The following PI4K2B variants were observed in gnomAD, a reference collection of about 807,000 sequenced individuals.
PI4K2B encodes phosphatidylinositol 4-kinase type 2-beta.
A neutral mutation model predicts 56.6 loss-of-function variants in PI4K2B; 46 were observed. That is an observed-to-expected ratio of 0.81 (90% CI 0.64 to 1.04). The LOEUF (loss-of-function observed/expected upper bound fraction) is 1.04, where lower values mean the gene tolerates loss of function less well. Among genes scored for constraint, PI4K2B ranks in the 50% least tolerant of loss-of-function variants. The pLI is 0.00. For missense variants in PI4K2B, 556 were observed against 607.7 expected, an observed-to-expected ratio of 0.91 and a Z score of 0.89; for synonymous variants, 211 against 223.8, an observed-to-expected ratio of 0.94 and a Z score of 0.51.
At chr4:25,235,193 A>G (rs1300215687) in intron 1 of PI4K2B, among the ~76,000 whole-genome samples, 1 of 152,216 alleles carries the variant, frequency 6.6e-6, no homozygotes. Flanking sequence ...GGAAATAGCA[A>G]GAGACTTGTA....
Position 25,234,421 on chromosome 4 carries a change from C to T in PI4K2B, c.258C>T (p.Pro86=), listed in dbSNP as rs745756803. 3.0e-6 allele frequency: 4 copies of T among 1,351,312 alleles called. No individual in the cohort carries two copies. The East Asian group carries it at 1.2e-4, about 42-fold the overall frequency. The allele number at this position is 1,351,312 out of a possible 1,614,324, so 83.7% of individuals were successfully genotyped here. Residue 86 remains proline (P), a synonymous_variant, in exon 1 of 10, where the codon CCC becomes CCT. Coordinates refer to ENST00000264864, the MANE Select transcript of PI4K2B (RefSeq NM_018323.4). Reference sequence around the variant, plus strand: ...CCGCCGAGCTGGACCGGAGCCGCCCCGCGGTTTCAGGTGCGACCCGGCCCT... The same window carrying T: ...CCGCCGAGCTGGACCGGAGCCGCCCTGCGGTTTCAGGTGCGACCCGGCCCT... The part of the protein sequence containing the change: ...SSSAELDRSR[P]AVSVTIGTSE...
At chr4:25,253,724 A>G (rs1378779826) in intron 2 of PI4K2B, among the ~76,000 whole-genome samples, 1 of 152,230 alleles carries the variant, frequency 6.6e-6, no homozygotes, top group East Asian at 1.9e-4. Flanking sequence ...GAGTACAGAG[A>G]CTTTTAGACA....
chr4:25,254,978 G>T, intron 2 of PI4K2B, 87 bp from the exon 3 acceptor site: 6 of 848,714 alleles, frequency 7.1e-6, no homozygotes, highest in Non-Finnish European at 1.9e-6. Context: ...GTAGGAAGCA[G>T]TAGAGAACAA....
At chr4:25,247,110 G>A (rs553827273) in intron 1 of PI4K2B, among the ~76,000 whole-genome samples, 20 of 152,390 alleles carry the variant, frequency 1.3e-4, no homozygotes, top group African/African-American at 4.3e-4. Flanking sequence ...GCCAGAGTGG[G>A]CACCTAGGCC....
chr4:25,263,726 A>C, intron 6 of PI4K2B, 24 bp from the exon 7 acceptor site: 1 of 850,832 alleles, frequency 1.2e-6, no homozygotes, highest in Non-Finnish European at 2.0e-6. Flanking sequence ...TCTTTTATCA[A>C]CATATCATTT....
At chr4:25,276,718 T>G in intron 9 of PI4K2B, 1 of 985,376 alleles carries the variant, frequency 1.0e-6, no homozygotes, top group Non-Finnish European at 1.2e-6. Flanking sequence ...TACCGTTCTT[T>G]GATTCCATTG....
At chr4:25,258,994 G>T in intron 4 of PI4K2B, 43 bp from the exon 5 acceptor site, 1 of 1,030,596 alleles carries the variant, frequency 9.7e-7, no homozygotes, top group Non-Finnish European at 1.5e-6. Flanking sequence ...TAATCCCCTT[G>T]TTCTTGTACT....
chr4:25,277,253 T>C lies in PI4K2B; in HGVS notation c.*66T>C, dbSNP rs765626737. On this transcript the variant is annotated 3_prime_UTR_variant, in exon 10 of 10. Transcript: ENST00000264864. ...ATGTTTTTAAAACATCATAGTAATA[T>C]AAATCTGCTGTTAGGAGCTCCAGTT... is the stretch of plus-strand genomic sequence containing the variant. 10 of 1,490,252 alleles carry C rather than the reference T, an allele frequency of 6.7e-6. No homozygotes were observed. Among genetic ancestry groups the C allele is most frequent in the African/African-American group, 1.4e-5 (1 of 72,836 alleles). 92.3% of individuals were successfully genotyped at this position (1,490,252 alleles called of 1,614,324 possible). A position where few individuals can be genotyped will look rare whatever the true frequency, so the allele number is the denominator to read the frequency against.
At position 25,277,283 on chromosome 4, in the gene PI4K2B, A is replaced by C. The variant is rs961300739; in HGVS notation, c.*96A>C. ...CTGCTGTTAGGAGCTCCAGTTGCTAAAACCTCAATTTAAGTCTTTAAAAGG... is the reference window on the plus strand; with the variant it reads ...CTGCTGTTAGGAGCTCCAGTTGCTACAACCTCAATTTAAGTCTTTAAAAGG... On this transcript the variant is annotated 3_prime_UTR_variant, in exon 10 of 10. Coordinates refer to ENST00000264864, the MANE Select transcript of PI4K2B (RefSeq NM_018323.4). 3.6e-6 allele frequency: 5 copies of C among 1,370,490 alleles called. No individual in the cohort carries two copies. The African/African-American group carries it at 4.3e-5, about 12-fold the overall frequency. 84.9% of individuals were successfully genotyped at this position (1,370,490 alleles called of 1,614,324 possible).
Position 25,276,747 on chromosome 4 carries a change from A to T in PI4K2B, c.1273-267A>T, listed in dbSNP as rs1577702901. ...TCCATTGCTCCTGGACATAGGCAGG[A>T]TATTCTAGAATATTTTAAACTTACC... is the stretch of plus-strand genomic sequence containing the variant. On this transcript the variant is annotated intron_variant, in intron 9 of 9. Transcript: ENST00000264864. 8 of 985,196 alleles carry T rather than the reference A, an allele frequency of 8.1e-6. No individual in the cohort carries two copies. The South Asian group carries it at 3.8e-4, about 46-fold the overall frequency. 61.0% of individuals were successfully genotyped at this position (985,196 alleles called of 1,614,324 possible). A position where few individuals can be genotyped will look rare whatever the true frequency, so the allele number is the denominator to read the frequency against.
intron 1 of PI4K2B, among the ~76,000 whole-genome samples, chr4:25,250,381 T>G (rs190365135): frequency 1.3e-5 from 2 of 152,066 alleles, no homozygotes; most frequent in African/African-American, 4.8e-5. Flanking sequence ...CACTAATAAG[T>G]GGGAGCTAAA....
At chr4:25,267,734 G>A (rs1420183564) in intron 7 of PI4K2B, 3 of 968,426 alleles carry the variant, frequency 3.1e-6, no homozygotes, top group African/African-American at 3.5e-5. Flanking sequence ...TCTAGTCCTG[G>A]CGTAGTTTAG....
chr4:25,275,134 A>G (rs745377451), intron 9 of PI4K2B, among the ~76,000 whole-genome samples: 13 of 152,192 alleles, frequency 8.5e-5, no homozygotes, highest in Non-Finnish European at 1.6e-4. Context: ...TCTCTGCAAG[A>G]GTCACATACT....
intron 6 of PI4K2B, among the ~76,000 whole-genome samples, chr4:25,262,172 A>C (rs543488003): frequency 6.6e-6 from 1 of 152,228 alleles, no homozygotes; most frequent in East Asian, 1.9e-4. Context: ...AAGATAGTAG[A>C]AAAAGTAAAA....
chr4:25,255,141 A>G lies in PI4K2B; in HGVS notation c.500A>G (p.His167Arg), dbSNP rs1430538686. 6.2e-7 allele frequency: 1 copy of G among 1,614,042 alleles called. No individual in the cohort carries two copies. Among genetic ancestry groups the G allele is most frequent in the Non-Finnish European group, 8.5e-7 (1 of 1,179,968 alleles). The change falls in exon 3 of 10, where the codon CAT becomes CGT. Residue 167 changes from histidine (H) to arginine (R), a missense_variant. His to Arg is a conservative substitution (Grantham distance 29). Coordinates refer to ENST00000264864, the MANE Select transcript of PI4K2B (RefSeq NM_018323.4). ...AATCCAAAATGGACCAAATATGTCC[A>G]TAAGGTCTGCTGCCCTTGCTGCTTT... Reference protein sequence around the residue: ...QLNPKWTKYVHKVCCPCCFGR... With the variant: ...QLNPKWTKYVRKVCCPCCFGR...
intron 5 of PI4K2B, 112 bp from the exon 6 acceptor site, chr4:25,260,412 A>G: frequency 2.2e-6 from 1 of 449,854 alleles, no homozygotes; most frequent in Non-Finnish European, 4.1e-6. Context: ...AATATGCTAC[A>G]GATAACCAGT....
intron 4 of PI4K2B, among the ~76,000 whole-genome samples, chr4:25,257,646 G>A (rs1245711364): frequency 6.6e-6 from 1 of 152,148 alleles, no homozygotes; most frequent in Non-Finnish European, 1.5e-5. Context: ...TTTTAGAAAT[G>A]TATTTGGCTT....
chr4:25,252,175 G>T, intron 1 of PI4K2B, 146 bp from the exon 2 acceptor site: 2 of 485,388 alleles, frequency 4.1e-6, no homozygotes, highest in Non-Finnish European at 3.7e-6. Context: ...GGGGTTGTTA[G>T]GCAGTGGGGG....
chr4:25,269,245 T>A (rs746692963), intron 9 of PI4K2B, 42 bp downstream of exon 9: 1 of 1,075,786 alleles, frequency 9.3e-7, no homozygotes, highest in Non-Finnish European at 1.4e-6. Flanking sequence ...AAAAATCTCT[T>A]TGAAACAGTA....
Sources: allele counts gnomAD v4.1 joint callset (sites outside exome capture counted in the v4.1 genomes callset), GRCh38; gene constraint gnomAD v4.1.1; transcripts MANE v1.5; gene names NCBI Gene and HGNC (gene_info 2026-07-23, HGNC 2026-07-21).